Variants in DLGAP1 observed in about 807,000 individuals in gnomAD.
DLGAP1 encodes DLG associated protein 1.
A neutral mutation model predicts 90.8 loss-of-function variants in DLGAP1; 11 were observed. That is an observed-to-expected ratio of 0.12 (90% CI 0.08 to 0.20). The LOEUF is 0.20. Among genes scored for constraint, DLGAP1 ranks in the 10% least tolerant of loss-of-function variants. The pLI, the probability that DLGAP1 is intolerant of heterozygous loss-of-function variation, is 1.00. For synonymous variants in DLGAP1, 558 were observed against 540.7 expected, an observed-to-expected ratio of 1.03 and a Z score of -0.44; for missense variants, 1,050 against 1,333.8, an observed-to-expected ratio of 0.79 and a Z score of 3.31.
At chr18:4,255,830 C>A (rs2078877936) in intron 1 of DLGAP1, among the ~76,000 whole-genome samples, 1 of 151,994 alleles carries the variant, frequency 6.6e-6, no homozygotes. Context: ...TATAAAAAAG[C>A]TATTTTTAAC....
At chr18:3,700,295 C>T (rs144357800) in intron 7 of DLGAP1, among the ~76,000 whole-genome samples, 72 of 152,294 alleles carry the variant, frequency 4.7e-4, no homozygotes, top group African/African-American at 1.7e-3. Flanking sequence ...CTGTGAAGAC[C>T]ATGGGAAAAG....
intron 1 of DLGAP1, among the ~76,000 whole-genome samples, chr18:4,278,608 C>T (rs905916684): frequency 6.6e-6 from 1 of 152,028 alleles, no homozygotes; most frequent in African/African-American, 2.4e-5. Context: ...CTGCAAAGAA[C>T]ATGATTTCAT....
chr18:3,767,475 G>T (rs1297619850), intron 5 of DLGAP1, among the ~76,000 whole-genome samples: 6 of 151,958 alleles, frequency 3.9e-5, no homozygotes, highest in Non-Finnish European at 7.4e-5. Context: ...TAGACCTCAT[G>T]AATAAAGACA....
At chr18:3,538,533 C>G (rs991390978) in intron 9 of DLGAP1, among the ~76,000 whole-genome samples, 3 of 152,164 alleles carry the variant, frequency 2.0e-5, no homozygotes, top group African/African-American at 4.8e-5. Flanking sequence ...TAGGCTATTT[C>G]TGCATTCTTC....
chr18:4,309,594 T>A (rs1031038222), intron 1 of DLGAP1, among the ~76,000 whole-genome samples: 2 of 152,168 alleles, frequency 1.3e-5, no homozygotes, highest in Admixed American at 6.5e-5. Flanking sequence ...AGCCCATTTT[T>A]TTTCTTCCTT....
chr18:4,021,475 T>G (rs115782896), intron 2 of DLGAP1, among the ~76,000 whole-genome samples: 16,622 of 152,102 alleles, frequency 0.11, 960 homozygotes, highest in Middle Eastern at 0.2. Context: ...CTCCCTGAGG[T>G]CTCCCCAGAA....
At chr18:3,826,305 A>T (rs2067708764) in intron 4 of DLGAP1, among the ~76,000 whole-genome samples, 1 of 152,226 alleles carries the variant, frequency 6.6e-6, no homozygotes, top group Non-Finnish European at 1.5e-5. Context: ...GTCATGAGGA[A>T]GGGAAAGGAC....
chr18:3,953,475 G>A (rs975720127), intron 3 of DLGAP1, among the ~76,000 whole-genome samples: 5 of 152,072 alleles, frequency 3.3e-5, no homozygotes, highest in Non-Finnish European at 5.9e-5. Context: ...TAGGATAATG[G>A]CCCCCAGCTC....
chr18:3,639,510 C>T (rs1468567860), intron 7 of DLGAP1, among the ~76,000 whole-genome samples: 2 of 152,124 alleles, frequency 1.3e-5, no homozygotes, highest in Non-Finnish European at 2.9e-5. Flanking sequence ...GGAGATAGCA[C>T]AGGGCATTGG....
chr18:3,883,573 T>G (rs2071235582), intron 3 of DLGAP1, among the ~76,000 whole-genome samples: 1 of 152,266 alleles, frequency 6.6e-6, no homozygotes, highest in South Asian at 2.1e-4. Context: ...CAAAGTGCTA[T>G]CCTAGTGGAT....
chr18:3,948,116 G>A (rs1201529698), intron 3 of DLGAP1, among the ~76,000 whole-genome samples: 1 of 152,124 alleles, frequency 6.6e-6, no homozygotes, highest in Non-Finnish European at 1.5e-5. Context: ...ACACAGAAGA[G>A]ACCAACTGAA....
intron 2 of DLGAP1, among the ~76,000 whole-genome samples, chr18:4,055,348 C>A (rs553550533): frequency 6.6e-6 from 1 of 152,102 alleles, no homozygotes; most frequent in Admixed American, 6.5e-5. Context: ...AATTGCACAC[C>A]GTGAGAGTTT....
chr18:3,931,029 C>T (rs530835780), intron 3 of DLGAP1, among the ~76,000 whole-genome samples: 5 of 152,284 alleles, frequency 3.3e-5, no homozygotes, highest in East Asian at 1.9e-4. Context: ...TCCAGGAAGA[C>T]GGTAAGCTCC....
chr18:3,822,216 G>C (rs186134582), intron 4 of DLGAP1, among the ~76,000 whole-genome samples: 3 of 152,298 alleles, frequency 2.0e-5, no homozygotes, highest in African/African-American at 7.2e-5. Flanking sequence ...TTAAGGATAA[G>C]AGTAAATACC....
chr18:4,155,723 G>A (rs1208698949), intron 1 of DLGAP1, among the ~76,000 whole-genome samples: 1 of 152,138 alleles, frequency 6.6e-6, no homozygotes, highest in Non-Finnish European at 1.5e-5. Context: ...GTGGGCTGGT[G>A]GGGTGCTGTG....
intron 3 of DLGAP1, among the ~76,000 whole-genome samples, chr18:3,966,090 A>T (rs961009979): frequency 2.0e-5 from 3 of 152,120 alleles, no homozygotes; most frequent in African/African-American, 7.2e-5. Flanking sequence ...CCCTGAAAAA[A>T]ATAAAAATGG....
chr18:3,740,124 A>G (rs1037634977), intron 6 of DLGAP1, among the ~76,000 whole-genome samples: 1 of 152,164 alleles, frequency 6.6e-6, no homozygotes, highest in Admixed American at 6.5e-5. Context: ...GTATATAAAT[A>G]TTTTTCCAAC....
At chr18:4,072,357 T>G (rs1195201635) in intron 2 of DLGAP1, among the ~76,000 whole-genome samples, 2 of 152,110 alleles carry the variant, frequency 1.3e-5, no homozygotes, top group African/African-American at 2.4e-5. Flanking sequence ...TCCTAAATAG[T>G]CAATGTATCA....
rs1296071041 is a variant in DLGAP1 at position 4,182,657 on chromosome 18, C to T, written c.-266-31370G>A. 2.6e-5 allele frequency among the ~76,000 whole-genome samples: 4 copies of T among 152,002 alleles called. No homozygotes were observed. The Middle Eastern group carries it at 9.5e-3, about 361-fold the overall frequency. ...TTAATAAACTTCTGTTTGTTTTTCT[C>T]TTTTTAAAGTGTCTTTTGCTATGGG... On this transcript the variant is annotated intron_variant, in intron 1 of 12. Transcript: ENST00000315677.
Sources: allele counts gnomAD v4.1 joint callset (sites outside exome capture counted in the v4.1 genomes callset), GRCh38; gene constraint gnomAD v4.1.1; transcripts MANE v1.5; gene names NCBI Gene and HGNC (gene_info 2026-07-23, HGNC 2026-07-21).